ASB4: variants seen among roughly 807,000 people sequenced by gnomAD.
ASB4 encodes ankyrin repeat and SOCS box protein 4.
A neutral mutation model predicts 38.6 loss-of-function variants in ASB4; 35 were observed. That is an observed-to-expected ratio of 0.91 (90% CI 0.69 to 1.20). The LOEUF (loss-of-function observed/expected upper bound fraction) is 1.20. ASB4 is among the 50% of genes most tolerant of loss of function. The pLI, the probability that ASB4 is intolerant of heterozygous loss-of-function variation, is 0.00. For missense variants in ASB4, 557 were observed against 527.2 expected, an observed-to-expected ratio of 1.06 and a Z score of -0.55; for synonymous variants, 195 against 201.3, an observed-to-expected ratio of 0.97 and a Z score of 0.26.
In ASB4 at chr7:95,527,954, C is replaced by A. The variant is rs753535152; in HGVS notation, c.629C>A (p.Thr210Asn). Residue 210 changes from threonine to asparagine, a missense_variant, in exon 3 of 5, where the codon ACC (threonine) becomes AAC (asparagine). By Grantham distance (65) the Thr-to-Asn change is moderately conservative (BLOSUM62 0). Coordinates refer to ENST00000325885, the MANE Select transcript of ASB4 (RefSeq NM_016116.3). Reference protein sequence around the residue: ...IVDSVNAHMETPLAIAAYWAL... With the variant: ...IVDSVNAHMENPLAIAAYWAL... Reference sequence around the variant, plus strand: ...GACAGCGTGAATGCCCACATGGAGACCCCCCTGGCCATCGCCGCCTACTGG... The same window carrying A: ...GACAGCGTGAATGCCCACATGGAGAACCCCCTGGCCATCGCCGCCTACTGG... 3.1e-6 allele frequency: 5 copies of A among 1,614,076 alleles called. No homozygotes were observed. Among genetic ancestry groups the A allele is most frequent in the East Asian group, 2.2e-5 (1 of 44,842 alleles).
chr7:95,496,973 G>C (rs1209250671), intron 2 of ASB4, among the ~76,000 whole-genome samples: 1 of 152,142 alleles, frequency 6.6e-6, no homozygotes, highest in Non-Finnish European at 1.5e-5. Context: ...TGCTAAGAGA[G>C]CAATAAAACT....
At chr7:95,498,850 T>A (rs1377687185) in intron 2 of ASB4, among the ~76,000 whole-genome samples, 1 of 152,204 alleles carries the variant, frequency 6.6e-6, no homozygotes, top group African/African-American at 2.4e-5. Context: ...GTTAGGTTCG[T>A]CTTTTTTTAT....
At chr7:95,545,136 G>A (rs1052889395), downstream of ASB4, among the ~76,000 whole-genome samples, 2 of 152,028 alleles carry the variant, frequency 1.3e-5, no homozygotes, top group African/African-American at 4.8e-5. Context: ...TTTTGTTAAG[G>A]GTTCATTGCT....
At chr7:95,513,332 T>TGTGTGTGTGTG (rs1562816331) in intron 2 of ASB4, among the ~76,000 whole-genome samples, 11 of 132,150 alleles carry the variant, frequency 8.3e-5, no homozygotes, top group Non-Finnish European at 1.3e-4. Context: ...TGTGTGTGTG[T>TGTGTGTGTGTG]TCAGAGACAG....
At chr7:95,536,626 A>G in intron 4 of ASB4, 76 bp downstream of exon 4, 1 of 1,104,356 alleles carries the variant, frequency 9.1e-7, no homozygotes, top group Non-Finnish European at 1.3e-6. Flanking sequence ...AGAAAATTGT[A>G]ACAAAAAAGT....
chr7:95,546,566 C>G, the ASB4 span, among the ~76,000 whole-genome samples: 1 of 152,106 alleles, frequency 6.6e-6, no homozygotes, highest in Admixed American at 6.6e-5. Flanking sequence ...CTACGGCAGA[C>G]AATAATAACC....
In ASB4 at chr7:95,536,886, G is replaced by A. The variant is rs188378370; in HGVS notation, c.1092+336G>A. ...AGCATTTTTACCAGAATATTAAAGC[G>A]TTTTGTGTAGATTATTTCATTTACT... On this transcript the variant is annotated intron_variant, in intron 4 of 4. Coordinates refer to ENST00000325885, the MANE Select transcript of ASB4 (RefSeq NM_016116.3). Among the ~76,000 whole-genome samples the A allele has an allele frequency of 9.2e-5, 14 of 152,216 alleles. No homozygotes were observed. The East Asian group carries it at 1.5e-3, about 17-fold the overall frequency.
Position 95,498,289 on chromosome 7 carries a change from C to T in ASB4, c.487+2232C>T, listed in dbSNP as rs189898348. 4.1e-3 allele frequency among the ~76,000 whole-genome samples: 627 copies of T among 152,224 alleles called. 2 individuals carry two copies. Among genetic ancestry groups the T allele is most frequent in the Admixed American group, 7.5e-3 (114 of 15,290 alleles). On this transcript the variant is annotated intron_variant, in intron 2 of 4. Transcript: ENST00000325885. ...AGTTTGAGTTCAGCGTGGGCAACAT[C>T]AGTTTGCAATCATTACAAACATATT...
At chr7:95,515,316 T>TCTTTCTTCCTTCCTTCCTTCCTTC (rs1420581416) in intron 2 of ASB4, among the ~76,000 whole-genome samples, 2 of 95,772 alleles carry the variant, frequency 2.1e-5, no homozygotes, top group Admixed American at 1.1e-4. Context: ...TTTCTTTCTT[T>TCTTTCTTCCTTCCTTCCTTCCTTC]CTTCCTTCCT....
At chr7:95,509,263 G>A (rs1331175557) in intron 2 of ASB4, among the ~76,000 whole-genome samples, 2 of 152,106 alleles carry the variant, frequency 1.3e-5, no homozygotes, top group Admixed American at 6.5e-5. Context: ...ATCTTTCCAC[G>A]AGAATTAGGG....
the ASB4 span, among the ~76,000 whole-genome samples, chr7:95,547,583 A>T: frequency 6.6e-6 from 1 of 152,228 alleles, no homozygotes; most frequent in Non-Finnish European, 1.5e-5. Flanking sequence ...TAGGGTAATA[A>T]TAGATGTGAG....
chr7:95,496,739 T>C (rs1001470554), intron 2 of ASB4, among the ~76,000 whole-genome samples: 1 of 152,082 alleles, frequency 6.6e-6, no homozygotes, highest in African/African-American at 2.4e-5. Context: ...TCCCAGCTAC[T>C]CAGGAGACTG....
intron 2 of ASB4, among the ~76,000 whole-genome samples, chr7:95,500,568 C>CAA (rs771099175): frequency 0.021 from 867 of 41,008 alleles, 111 homozygotes; most frequent in Middle Eastern, 0.03. Flanking sequence ...AGATCTGTCT[C>CAA]AAAAAAAAAA....
upstream of ASB4, among the ~76,000 whole-genome samples, chr7:95,484,885 C>A (rs940930880): frequency 2.6e-5 from 4 of 151,532 alleles, no homozygotes; most frequent in Non-Finnish European, 1.5e-5. Flanking sequence ...ACCAATATAT[C>A]CCTTACTAGA....
chr7:95,521,263 C>G (rs1050582439), intron 2 of ASB4, among the ~76,000 whole-genome samples: 16 of 151,820 alleles, frequency 1.1e-4, no homozygotes, highest in Non-Finnish European at 2.2e-4. Context: ...TAAGAAAAGC[C>G]CAACCCAATG....
At chr7:95,508,809 C>T (rs985952333) in intron 2 of ASB4, among the ~76,000 whole-genome samples, 4 of 152,132 alleles carry the variant, frequency 2.6e-5, no homozygotes, top group African/African-American at 9.7e-5. Flanking sequence ...AAGAAAGGAA[C>T]ATTTAATGGA....
At chr7:95,520,445 C>G (rs1462637724) in intron 2 of ASB4, among the ~76,000 whole-genome samples, 2 of 152,166 alleles carry the variant, frequency 1.3e-5, no homozygotes, top group African/African-American at 4.8e-5. Context: ...TTTCAGATCT[C>G]ATAGAAGGCT....
chr7:95,547,084 G>A, the ASB4 span, among the ~76,000 whole-genome samples: 1 of 152,182 alleles, frequency 6.6e-6, no homozygotes, highest in South Asian at 2.1e-4. Context: ...TCTACCACCA[G>A]GCTGTAACCT....
chr7:95,516,813 A>G (rs750853468), intron 2 of ASB4, among the ~76,000 whole-genome samples: 62 of 152,142 alleles, frequency 4.1e-4, no homozygotes, highest in Non-Finnish European at 5.4e-4. Flanking sequence ...AAATATTTGC[A>G]TGTCCTAGGG....
Sources: gnomAD v4.1 joint callset for allele counts (sites outside exome capture counted in the v4.1 genomes callset) on GRCh38, gnomAD v4.1.1 for gene constraint, MANE v1.5 for transcripts, NCBI Gene and HGNC (gene_info 2026-07-23, HGNC 2026-07-21) for gene names.